ANO4: variants seen among roughly 807,000 people sequenced by gnomAD.
ANO4 encodes the protein anoctamin 4.
A neutral mutation model predicts 141.9 loss-of-function variants in ANO4; 69 were observed. That is an observed-to-expected ratio of 0.49 (90% CI 0.40 to 0.59). The LOEUF is 0.59. ANO4 is among the 20% of genes least tolerant of loss of function. The pLI is 0.00. For missense variants in ANO4, 894 were observed against 1,162.2 expected, an observed-to-expected ratio of 0.77 and a Z score of 3.36; for synonymous variants, 350 against 394.3, an observed-to-expected ratio of 0.89 and a Z score of 1.33.
chr12:100,776,866 A>G (rs61944806), intron 3 of ANO4, among the ~76,000 whole-genome samples: 2,529 of 152,276 alleles, frequency 0.017, 23 homozygotes, highest in Middle Eastern at 0.041. Context: ...TGAGAGGATG[A>G]TGTGCAAGAG....
chr12:101,118,383 G>A (rs1476710914), intron 25 of ANO4, among the ~76,000 whole-genome samples: 1 of 151,918 alleles, frequency 6.6e-6, no homozygotes, highest in Non-Finnish European at 1.5e-5. Context: ...ATTAATGCTG[G>A]CACCATTAAG....
At chr12:100,854,597 C>T (rs1307445694) in intron 1 of ANO4, among the ~76,000 whole-genome samples, 1 of 152,078 alleles carries the variant, frequency 6.6e-6, no homozygotes, top group Non-Finnish European at 1.5e-5. Context: ...GGTGTATCAC[C>T]TCCCTTATTA....
intron 3 of ANO4, among the ~76,000 whole-genome samples, chr12:100,765,201 G>A (rs1196040948): frequency 1.3e-5 from 2 of 151,888 alleles, no homozygotes; most frequent in Non-Finnish European, 2.9e-5. Flanking sequence ...GTATGTTTCT[G>A]GGAACTTATT....
At chr12:101,066,650 C>T (rs1046253609) in intron 14 of ANO4, 11 of 582,028 alleles carry the variant, frequency 1.9e-5, no homozygotes, top group Admixed American at 1.1e-4. Context: ...CATGGCTTTG[C>T]GTCCCCATCA....
At chr12:100,835,578 G>A (rs564809295) in intron 1 of ANO4, among the ~76,000 whole-genome samples, 16 of 152,142 alleles carry the variant, frequency 1.1e-4, no homozygotes, top group Non-Finnish European at 2.1e-4. Flanking sequence ...TGCATGATCT[G>A]CAACATCAAG....
rs115686403 is a variant in ANO4, at chr12:101,120,544, T to A, written c.2595T>A (p.Pro865=). ...GATACCGGGACTACCGTGACCCGCC[T>A]CATTCACTGGTGCCCTATGGCTACA... is the stretch of plus-strand genomic sequence containing the variant. ...YCRYRDYRDP[P]HSLVPYGYTL... Residue 865 remains proline (P), a synonymous_variant, in exon 26 of 28, where the codon CCT becomes CCA. Coordinates refer to ENST00000392977, the MANE Select transcript of ANO4 (RefSeq NM_001286615.2). 8.1e-5 allele frequency: 131 copies of A among 1,614,118 alleles called. 2 individuals carry two copies. The African/African-American group carries it at 1.4e-3, about 17-fold the overall frequency.
At chr12:100,957,624 T>A (rs986036302) in intron 5 of ANO4, among the ~76,000 whole-genome samples, 3 of 152,218 alleles carry the variant, frequency 2.0e-5, no homozygotes, top group Non-Finnish European at 4.4e-5. Context: ...CAGAGTCTGC[T>A]CTGTTGCCCA....
In ANO4 at chr12:100,766,001, T is replaced by C. The variant is rs2033066287; in HGVS notation, c.358+25896T>C. ...TTCATCCTATCTAATTGAAATTTTGTACCCTTTGACTAATATCTCCCTTTA... is the reference window on the plus strand; with the variant it reads ...TTCATCCTATCTAATTGAAATTTTGCACCCTTTGACTAATATCTCCCTTTA... On this transcript the variant is annotated intron_variant, in intron 3 of 29. Coordinates refer to the ANO4 transcript ENST00000644049. Among the ~76,000 whole-genome samples, 7 of 152,144 alleles carry C rather than the reference T, an allele frequency of 4.6e-5. No homozygotes were observed. The South Asian group carries it at 1.4e-3, about 31-fold the overall frequency.
chr12:101,033,295 C>T (rs981032913), intron 9 of ANO4, among the ~76,000 whole-genome samples: 4 of 148,386 alleles, frequency 2.7e-5, no homozygotes, highest in Non-Finnish European at 4.5e-5. Flanking sequence ...GGAAGGGGAA[C>T]ATCACACTCT....
At chr12:101,048,030 A>C (rs2047700321) in intron 13 of ANO4, 5 of 1,120,224 alleles carry the variant, frequency 4.5e-6, no homozygotes, top group Non-Finnish European at 4.4e-6. Flanking sequence ...ATCCATACAC[A>C]TATGTACGTG....
chr12:100,942,981 A>G (rs2042578595), intron 5 of ANO4, among the ~76,000 whole-genome samples: 1 of 152,208 alleles, frequency 6.6e-6, no homozygotes, highest in African/African-American at 2.4e-5. Context: ...AATTTGGCCA[A>G]AAGCAGCTGG....
chr12:100,879,878 A>T (rs931659494), intron 1 of ANO4, among the ~76,000 whole-genome samples: 2 of 152,220 alleles, frequency 1.3e-5, no homozygotes, highest in Non-Finnish European at 2.9e-5. Context: ...TAATAGAAGT[A>T]TGTAAAATTT....
At chr12:100,816,888 G>T (rs1359095834) in intron 1 of ANO4, among the ~76,000 whole-genome samples, 1 of 151,566 alleles carries the variant, frequency 6.6e-6, no homozygotes, top group Admixed American at 6.6e-5. Flanking sequence ...CTCTTTCTTT[G>T]GTATATGTCC....
intron 1 of ANO4, chr12:100,885,389 G>A (rs1322198500): frequency 6.6e-6 from 1 of 152,092 alleles, no homozygotes; most frequent in African/African-American, 2.4e-5. Flanking sequence ...ACCCATTTTT[G>A]TCTCAGTCCA....
intron 1 of ANO4, among the ~76,000 whole-genome samples, chr12:100,891,925 C>T (rs1383028763): frequency 1.3e-5 from 2 of 152,284 alleles, no homozygotes; most frequent in Non-Finnish European, 2.9e-5. Context: ...CTCCACCCCC[C>T]AGCTTTTGGT....
At chr12:100,951,580 G>C (rs1218330230) in intron 5 of ANO4, among the ~76,000 whole-genome samples, 1 of 152,210 alleles carries the variant, frequency 6.6e-6, no homozygotes, top group African/African-American at 2.4e-5. Flanking sequence ...AACTAATGCA[G>C]GAACAGAAAA....
chr12:100,820,566 A>G (rs1451485958), intron 1 of ANO4, among the ~76,000 whole-genome samples: 2 of 152,030 alleles, frequency 1.3e-5, no homozygotes, highest in Non-Finnish European at 2.9e-5. Context: ...TCCCCATGAT[A>G]AAATAAATTG....
chr12:100,755,767 T>C (rs1211697354), intron 3 of ANO4, among the ~76,000 whole-genome samples: 1 of 152,228 alleles, frequency 6.6e-6, no homozygotes, highest in Non-Finnish European at 1.5e-5. Flanking sequence ...GAGCACTCAC[T>C]TAGCTTTCAC....
intron 1 of ANO4, among the ~76,000 whole-genome samples, chr12:100,724,739 C>CA (rs1435518176): frequency 6.6e-6 from 1 of 151,976 alleles, no homozygotes; most frequent in African/African-American, 2.4e-5. Flanking sequence ...ATTTCAGTCA[C>CA]AACAAAAAGA....
Sources: gnomAD v4.1 joint callset for allele counts (sites outside exome capture counted in the v4.1 genomes callset) on GRCh38, gnomAD v4.1.1 for gene constraint, MANE v1.5 for transcripts, NCBI Gene and HGNC (gene_info 2026-07-23, HGNC 2026-07-21) for gene names.